PTPRT: variants seen among roughly 807,000 people sequenced by gnomAD.
The protein encoded by PTPRT is receptor-type tyrosine-protein phosphatase T.
In PTPRT, 56 loss-of-function variants were observed where a neutral mutation model predicts 176.8. That is an observed-to-expected ratio of 0.32 (90% CI 0.26 to 0.40). PTPRT has a LOEUF of 0.40. PTPRT is among the 10% of genes least tolerant of loss of function. The pLI, the probability that PTPRT is intolerant of heterozygous loss-of-function variation, is 1.00. For synonymous variants in PTPRT, 783 were observed against 739.0 expected, an observed-to-expected ratio of 1.06 and a Z score of -0.96; for missense variants, 1,540 against 1,908.2, an observed-to-expected ratio of 0.81 and a Z score of 3.60.
Position 42,329,910 on chromosome 20 carries a change from C to T in PTPRT, c.1866-13914G>A, listed in dbSNP as rs1377485297. On this transcript the variant is annotated intron_variant, in intron 11 of 30. Transcript: ENST00000373187. ...GATCAAAGATAGGAATATGAAAATACTTTGAAAATATTTTTTTAATTTAAT... is the reference window on the plus strand; with the variant it reads ...GATCAAAGATAGGAATATGAAAATATTTTGAAAATATTTTTTTAATTTAAT... Among the ~76,000 whole-genome samples, 4 of 152,048 alleles carry T rather than the reference C, an allele frequency of 2.6e-5. No homozygotes were observed. The East Asian group carries it at 7.7e-4, about 29-fold the overall frequency.
intron 16 of PTPRT, among the ~76,000 whole-genome samples, chr20:42,177,198 C>T (rs1220113243): frequency 6.6e-6 from 1 of 152,120 alleles, no homozygotes; most frequent in African/African-American, 2.4e-5. Context: ...GGCCTGAGAG[C>T]CTGCATTTGT....
At chr20:43,068,171 G>A (rs2011136586) in intron 1 of PTPRT, among the ~76,000 whole-genome samples, 2 of 136,866 alleles carry the variant, frequency 1.5e-5, no homozygotes, top group South Asian at 5.1e-4. Context: ...GAAGGAGGGA[G>A]GGAAGGAAGG....
chr20:43,115,442 A>G (rs6072982), intron 1 of PTPRT, among the ~76,000 whole-genome samples: 147,419 of 152,230 alleles, frequency 0.97, 71,552 homozygotes, highest in East Asian at 1. Flanking sequence ...CCCCCAGTCA[A>G]AAATTCTGGT....
chr20:42,417,526 T>C (rs1166489343), intron 9 of PTPRT, among the ~76,000 whole-genome samples: 1 of 151,050 alleles, frequency 6.6e-6, no homozygotes, highest in East Asian at 1.9e-4. Flanking sequence ...CAAAATTCAA[T>C]CCTCCAGGAG....
intron 9 of PTPRT, among the ~76,000 whole-genome samples, chr20:42,444,359 C>T (rs556776297): frequency 3.1e-4 from 47 of 152,086 alleles, no homozygotes; most frequent in Admixed American, 5.9e-4. Flanking sequence ...ATTTACTTTC[C>T]CCTTCATTCT....
chr20:42,980,347 G>A (rs756514671), intron 1 of PTPRT, among the ~76,000 whole-genome samples: 3 of 152,144 alleles, frequency 2.0e-5, no homozygotes, highest in Non-Finnish European at 4.4e-5. Flanking sequence ...CTGTAACCTT[G>A]GGCAAGACTT....
chr20:42,300,914 C>T (rs1393840518), intron 12 of PTPRT, among the ~76,000 whole-genome samples: 1 of 143,612 alleles, frequency 7.0e-6, no homozygotes, highest in African/African-American at 2.6e-5. Flanking sequence ...ACAATGAGAA[C>T]ACATGGACAC....
chr20:42,739,398 T>C (rs1343388671), intron 6 of PTPRT, among the ~76,000 whole-genome samples: 1 of 152,102 alleles, frequency 6.6e-6, no homozygotes, highest in African/African-American at 2.4e-5. Context: ...GAAGAGGAAC[T>C]GTTTTTCAGG....
chr20:42,186,835 G>C (rs1990802042), intron 16 of PTPRT, among the ~76,000 whole-genome samples: 1 of 151,986 alleles, frequency 6.6e-6, no homozygotes, highest in Middle Eastern at 3.2e-3. Flanking sequence ...TGGAGGTAGT[G>C]GATATAGAGG....
chr20:43,147,585 T>C (rs1300805028), intron 1 of PTPRT, among the ~76,000 whole-genome samples: 2 of 152,148 alleles, frequency 1.3e-5, no homozygotes, highest in Non-Finnish European at 2.9e-5. Context: ...AGAGGTAAAA[T>C]TCAATAACAC....
chr20:42,592,456 C>T (rs6016843), intron 7 of PTPRT, among the ~76,000 whole-genome samples: 1 of 152,172 alleles, frequency 6.6e-6, no homozygotes, highest in Non-Finnish European at 1.5e-5. Context: ...ACACCCTGAC[C>T]TGCTACTCAG....
chr20:42,152,711 C>G (rs1344245736), intron 17 of PTPRT, among the ~76,000 whole-genome samples: 3 of 152,156 alleles, frequency 2.0e-5, no homozygotes, highest in African/African-American at 4.8e-5. Context: ...TGTCTACACC[C>G]GTCTCCATGG....
chr20:43,030,360 T>C lies in PTPRT; in HGVS notation c.89-144428A>G, dbSNP rs185875326. On this transcript the variant is annotated intron_variant, in intron 1 of 30. Transcript: ENST00000373187. ...GAGGGCTTCATAGAAATACCCGTCA[T>C]ATATGATGCTCCAAAAATAAATAAG... Among the ~76,000 whole-genome samples, 223 of 152,288 alleles carry C rather than the reference T, an allele frequency of 1.5e-3. 1 individual carries two copies. Among genetic ancestry groups the C allele is most frequent in the Non-Finnish European group, 2.6e-3 (179 of 68,030 alleles).
chr20:42,382,609 G>A (rs2058707670), intron 9 of PTPRT, among the ~76,000 whole-genome samples: 2 of 152,136 alleles, frequency 1.3e-5, no homozygotes, highest in South Asian at 4.1e-4. Context: ...AGGAAAACAG[G>A]GGGAGAAGGG....
intron 1 of PTPRT, among the ~76,000 whole-genome samples, chr20:43,088,081 T>C (rs1034713817): frequency 1.2e-4 from 18 of 152,292 alleles, no homozygotes; most frequent in African/African-American, 4.1e-4. Flanking sequence ...ACGATGGATA[T>C]GCTAATTACC....
chr20:42,950,877 G>A (rs1226464779), intron 1 of PTPRT, among the ~76,000 whole-genome samples: 3 of 152,138 alleles, frequency 2.0e-5, no homozygotes, highest in Admixed American at 2.0e-4. Context: ...AAAGGCACAG[G>A]TTATATTTTA....
intron 1 of PTPRT, among the ~76,000 whole-genome samples, chr20:42,896,502 G>T (rs1406891784): frequency 1.3e-5 from 2 of 152,036 alleles, no homozygotes; most frequent in East Asian, 3.9e-4. Context: ...AGGCGTGGTG[G>T]CGCATGCCTG....
chr20:42,477,391 A>T (rs924536707), intron 7 of PTPRT, among the ~76,000 whole-genome samples: 20 of 151,548 alleles, frequency 1.3e-4, no homozygotes, highest in East Asian at 3.9e-4. Context: ...ATATATATAT[A>T]TATTTTTTTT....
intron 15 of PTPRT, among the ~76,000 whole-genome samples, chr20:42,208,409 A>G (rs1176425643): frequency 6.6e-6 from 1 of 151,860 alleles, no homozygotes; most frequent in Non-Finnish European, 1.5e-5. Flanking sequence ...TCTCACGTGC[A>G]GAGACACACA....
Sources: gnomAD v4.1 joint callset for allele counts (sites outside exome capture counted in the v4.1 genomes callset) on GRCh38, gnomAD v4.1.1 for gene constraint, MANE v1.5 for transcripts, NCBI Gene and HGNC (gene_info 2026-07-23, HGNC 2026-07-21) for gene names.